ADCYAP1R1: variants seen among roughly 807,000 people sequenced by gnomAD.
ADCYAP1R1 encodes pituitary adenylate cyclase-activating polypeptide type I receptor.
Under a neutral mutation model 67.6 loss-of-function variants are expected in ADCYAP1R1, and 44 were observed. That is an observed-to-expected ratio of 0.65 (90% confidence interval 0.51 to 0.84). The LOEUF is 0.84. Ranked by LOEUF, ADCYAP1R1 falls within the 40% of genes least tolerant of loss-of-function variation. ADCYAP1R1 has a pLI of 0.00. For synonymous variants in ADCYAP1R1, 222 were observed against 219.6 expected, an observed-to-expected ratio of 1.01 and a Z score of -0.10; for missense variants, 477 against 587.9, an observed-to-expected ratio of 0.81 and a Z score of 1.95.
chr7:31,084,915 C>A (rs112178640), intron 8 of ADCYAP1R1, 81 bp downstream of exon 8: 1 of 1,299,144 alleles, frequency 7.7e-7, no homozygotes. Context: ...CCCCTCCCCC[C>A]TTGATGTCAG....
intron 13 of ADCYAP1R1, among the ~76,000 whole-genome samples, chr7:31,101,633 G>T (rs1322658613): frequency 1.3e-5 from 2 of 152,224 alleles, no homozygotes; most frequent in Non-Finnish European, 1.5e-5. Context: ...GCCAGGCATG[G>T]ATAACCAGAG....
At position 31,102,967 on chromosome 7, in the gene ADCYAP1R1, C is replaced by G. The variant is rs1241958745; in HGVS notation, c.1047-270C>G. 6.6e-6 allele frequency among the ~76,000 whole-genome samples: 1 copy of G among 152,202 alleles called. No homozygotes were observed. Among genetic ancestry groups the G allele is most frequent in the African/African-American group, 2.4e-5 (1 of 41,454 alleles). On this transcript the variant is annotated intron_variant, in intron 13 of 15. Transcript: ENST00000304166. The surrounding 1 kb of genome is among the most constrained non-coding windows in gnomAD (Gnocchi z 4.3). ...TTTTCCAGAAGGTTTTGCACGTCAC[C>G]CAAGGGGTCCCTGTAAATCGTGTGC...
In ADCYAP1R1 at chr7:31,092,457, T is replaced by C. The variant is rs112353829; in HGVS notation, c.955-187T>C. ...CGTACTTCTATGGAATCCTTTTTCT[T>C]CTATCTCTTCCTTCATTTTAATGAT... On this transcript the variant is annotated intron_variant, in intron 12 of 15. Transcript: ENST00000304166. Among the ~76,000 whole-genome samples, 1,216 of 152,220 alleles carry C rather than the reference T, an allele frequency of 8.0e-3. 25 individuals are homozygous for C. The highest frequency in any genetic ancestry group is 0.028 in the African/African-American group (1,152 of 41,526).
At chr7:31,067,963 C>T (rs184422200) in intron 3 of ADCYAP1R1, among the ~76,000 whole-genome samples, 3 of 152,272 alleles carry the variant, frequency 2.0e-5, no homozygotes, top group Admixed American at 2.0e-4. Context: ...AGAGACATCT[C>T]TAGGAAGCAG....
chr7:31,077,824 G>A (rs927337173), intron 3 of ADCYAP1R1, among the ~76,000 whole-genome samples, 167 bp from the exon 4 acceptor site: 2 of 142,082 alleles, frequency 1.4e-5, no homozygotes, highest in Non-Finnish European at 3.0e-5. Flanking sequence ...TGTGTGTGAT[G>A]TGTGTTTGTT....
chr7:31,064,974 GC>G, intron 3 of ADCYAP1R1, 38 bp downstream of exon 3: 1 of 1,498,228 alleles, frequency 6.7e-7, no homozygotes, highest in East Asian at 2.4e-5. Flanking sequence ...CGTCCCCAGT[GC>G]CAGCTTTTAG....
At chr7:31,095,628 G>T (rs1190859072) in intron 13 of ADCYAP1R1, 3 of 717,150 alleles carry the variant, frequency 4.2e-6, no homozygotes, top group Admixed American at 2.0e-5. Context: ...CTTCAGATCT[G>T]CCCACAACAG....
At position 31,108,746 on chromosome 7, in the gene ADCYAP1R1, ATGTGTGTGTGTGTGTGTG is replaced by A. The variant is rs3076597; in HGVS notation, c.*2080_*2097del. The A allele has an allele frequency of 1.4e-5, 2 of 147,964 alleles. 1 individual carries two copies. Among genetic ancestry groups the A allele is most frequent in the South Asian group, 4.3e-4 (2 of 4,642 alleles). 9.2% of individuals were successfully genotyped at this position (147,964 alleles called of 1,614,324 possible). A position where few individuals can be genotyped will look rare whatever the true frequency, so the allele number is the denominator to read the frequency against. On this transcript the variant is annotated 3_prime_UTR_variant, in exon 16 of 16. Transcript: ENST00000304166. ...CCTCATATCAGGTTTTGATGAATAT[ATGTGTGTGTGTGTGTGTG>A]TGTGTGTGTGTGTGTGTAGAGGGAT...
intron 3 of ADCYAP1R1, among the ~76,000 whole-genome samples, chr7:31,071,010 T>G (rs1794952075): frequency 6.6e-6 from 1 of 152,158 alleles, no homozygotes; most frequent in Admixed American, 6.5e-5. Context: ...TAAATTTCGG[T>G]AAATTGAATT....
chr7:31,085,528 C>A, intron 9 of ADCYAP1R1, 86 bp downstream of exon 9: 1 of 1,453,146 alleles, frequency 6.9e-7, no homozygotes. Flanking sequence ...CATTACCTGC[C>A]TGACACCCTG....
intron 13 of ADCYAP1R1, among the ~76,000 whole-genome samples, chr7:31,093,184 G>A (rs947669822): frequency 2.0e-5 from 3 of 152,182 alleles, no homozygotes; most frequent in African/African-American, 7.2e-5. Flanking sequence ...AGCGAGTCAG[G>A]CGGACACATT....
At chr7:31,056,157 A>G (rs1794231727) in intron 1 of ADCYAP1R1, among the ~76,000 whole-genome samples, 1 of 152,176 alleles carries the variant, frequency 6.6e-6, no homozygotes, top group Admixed American at 6.5e-5. Context: ...AACAGCTCCA[A>G]GGAGAGGGGC....
chr7:31,055,057 A>T (rs1794182799), intron 1 of ADCYAP1R1, among the ~76,000 whole-genome samples: 1 of 152,166 alleles, frequency 6.6e-6, no homozygotes, highest in South Asian at 2.1e-4. Context: ...CGAGCTCTGG[A>T]TGCCGTCAGA....
intron 3 of ADCYAP1R1, among the ~76,000 whole-genome samples, chr7:31,067,297 T>A (rs946267953): frequency 2.0e-5 from 3 of 152,100 alleles, no homozygotes. Flanking sequence ...AGAGCTGAGC[T>A]AATTAAGCAG....
intron 1 of ADCYAP1R1, among the ~76,000 whole-genome samples, chr7:31,055,039 G>A (rs1462045204): frequency 6.6e-6 from 1 of 151,956 alleles, no homozygotes; most frequent in Non-Finnish European, 1.5e-5. Context: ...GCTGCGACGT[G>A]TTTGTACCGA....
intron 3 of ADCYAP1R1, among the ~76,000 whole-genome samples, chr7:31,073,281 G>A (rs1458688203): frequency 6.6e-6 from 1 of 152,128 alleles, no homozygotes; most frequent in East Asian, 1.9e-4. Context: ...ATTCACTCTT[G>A]TATTGCTCTG....
intron 1 of ADCYAP1R1, 59 bp from the exon 2 acceptor site, chr7:31,063,135 G>T: frequency 9.5e-7 from 1 of 1,051,280 alleles, no homozygotes; most frequent in Non-Finnish European, 1.4e-6. Context: ...AAGGGAGGTG[G>T]TCTTGCCCCC....
In ADCYAP1R1 at chr7:31,086,892, G is replaced by A. The variant is rs1240209078; in HGVS notation, c.824-51G>A. 1 of 1,585,074 alleles carries A rather than the reference G, an allele frequency of 6.3e-7. No individual in the cohort carries two copies. Among genetic ancestry groups the A allele is most frequent in the South Asian group, 1.1e-5 (1 of 90,468 alleles). ...GAGCCCCAGGTCTACGGTGGACATT[G>A]GACATGTTGGTTTTCCTGTTCTCAC... On this transcript the variant is annotated intron_variant, in intron 10 of 15. Coordinates refer to ENST00000304166, the MANE Select transcript of ADCYAP1R1 (RefSeq NM_001118.5). This position sits in a 1 kb window ranked among gnomAD's most constrained non-coding sequence, Gnocchi z 5.0.
intron 4 of ADCYAP1R1, among the ~76,000 whole-genome samples, 179 bp from the exon 5 acceptor site, chr7:31,080,429 AGGTCT>A (rs1795467962): frequency 2.0e-5 from 3 of 151,952 alleles, no homozygotes; most frequent in African/African-American, 7.2e-5. Context: ...TCTGTTCTGG[AGGTCT>A]CCAGTGTCCC....
Sources: allele counts gnomAD v4.1 joint callset (sites outside exome capture counted in the v4.1 genomes callset), GRCh38; gene constraint gnomAD v4.1.1; non-coding constraint Gnocchi (gnomAD v3.1); transcripts MANE v1.5; gene names NCBI Gene and HGNC (gene_info 2026-07-23, HGNC 2026-07-21).